The following OXSR1 variants were observed in gnomAD, a reference collection of about 807,000 sequenced individuals.
OXSR1 encodes the protein serine/threonine-protein kinase OSR1.
A neutral mutation model predicts 79.8 loss-of-function variants in OXSR1; 24 were observed. That is an observed-to-expected ratio of 0.30 (90% CI 0.22 to 0.42). The LOEUF (loss-of-function observed/expected upper bound fraction) is 0.42, where lower values mean the gene tolerates loss of function less well. Among genes scored for constraint, OXSR1 ranks in the 10% least tolerant of loss-of-function variants. OXSR1 has a pLI of 1.00. For synonymous variants in OXSR1, 226 were observed against 209.2 expected (o/e 1.08, Z -0.69); for missense variants, 430 against 618.4 (o/e 0.70, Z 3.23).
chr3:38,247,820 A>G (rs1338402895), intron 14 of OXSR1, 88 bp downstream of exon 14: 1 of 770,272 alleles, frequency 1.3e-6, no homozygotes, highest in African/African-American at 1.7e-5. Flanking sequence ...GTAACTGGAT[A>G]GGATTGTATG....
intron 1 of OXSR1, among the ~76,000 whole-genome samples, chr3:38,169,001 T>G (rs1701522632): frequency 6.6e-6 from 1 of 152,252 alleles, no homozygotes; most frequent in Admixed American, 6.5e-5. Context: ...TGCTGGGTTA[T>G]ATCACAAATT....
chr3:38,182,673 G>C (rs199380), intron 1 of OXSR1, among the ~76,000 whole-genome samples: 2 of 152,130 alleles, frequency 1.3e-5, no homozygotes, highest in Admixed American at 1.3e-4. Flanking sequence ...ACCTTTCAGA[G>C]CCCTCTTATG....
intron 14 of OXSR1, 123 bp downstream of exon 14, chr3:38,247,855 C>T: frequency 1.7e-6 from 1 of 599,532 alleles, no homozygotes. Flanking sequence ...GCTCTGTTTG[C>T]TTGGTGGTGT....
Position 38,198,818 on chromosome 3 carries a change from T to G in OXSR1, c.389T>G (p.Val130Gly). 6.2e-7 allele frequency: 1 copy of G among 1,613,638 alleles called. No individual in the cohort carries two copies. The highest frequency in any genetic ancestry group is 8.5e-7 in the Non-Finnish European group (1 of 1,179,666). Residue 130 changes from valine to glycine, a missense_variant, in exon 4 of 18, where the codon GTA (valine) becomes GGA (glycine). Transcript: ENST00000311806. ...ACCATTGCTACGATACTCCGAGAAG[T>G]ACTGGAAGGGCTGGAATATCTGCAT... ...ESTIATILRE[V>G]LEGLEYLHKN...
In OXSR1 at chr3:38,255,061, A is replaced by C. The variant is rs868064704; in HGVS notation, c.*2170A>C. ...TTGTGCAGTGATACTGAGAAAATACATGAACAGAAACTGCCCAGGTGGAAC... is the reference window on the plus strand; with the variant it reads ...TTGTGCAGTGATACTGAGAAAATACCTGAACAGAAACTGCCCAGGTGGAAC... On this transcript the variant is annotated 3_prime_UTR_variant, in exon 18 of 18. Transcript: ENST00000311806. 1 of 152,664 alleles carries C rather than the reference A, an allele frequency of 6.6e-6. No individual in the cohort carries two copies. The highest frequency in any genetic ancestry group is 3.2e-3 in the Middle Eastern group (1 of 316). The allele number at this position is 152,664 out of a possible 1,614,324, so 9.5% of individuals were successfully genotyped here. A position where few individuals can be genotyped will look rare whatever the true frequency, so the allele number is the denominator to read the frequency against.
intron 3 of OXSR1, among the ~76,000 whole-genome samples, chr3:38,196,062 C>T (rs1213963450): frequency 3.3e-5 from 5 of 152,102 alleles, no homozygotes; most frequent in Non-Finnish European, 7.4e-5. Context: ...CTTATAGGGC[C>T]TGGGAATATG....
chr3:38,230,986 A>G (rs555183072), intron 10 of OXSR1, among the ~76,000 whole-genome samples: 12 of 152,290 alleles, frequency 7.9e-5, no homozygotes, highest in African/African-American at 2.9e-4. Context: ...TTCTCTGCTC[A>G]AGCAGACTTA....
rs1353924697 is a variant in OXSR1 at position 38,255,319 on chromosome 3, A to G, written c.*2428A>G. On this transcript the variant is annotated 3_prime_UTR_variant, in exon 18 of 18. Transcript: ENST00000311806. ...TCCTAGAGCCAGCTGATAATATTTA[A>G]TAATCTGGAGGAGAGAATAATGATG... 3 of 152,782 alleles carry G rather than the reference A, an allele frequency of 2.0e-5. No homozygotes were observed. Among genetic ancestry groups the G allele is most frequent in the East Asian group, 3.9e-4 (2 of 5,188 alleles). 9.5% of individuals were successfully genotyped at this position (152,782 alleles called of 1,614,324 possible). A position where few individuals can be genotyped will look rare whatever the true frequency, so the allele number is the denominator to read the frequency against.
chr3:38,226,914 A>G (rs761466931), intron 8 of OXSR1, among the ~76,000 whole-genome samples: 2 of 152,028 alleles, frequency 1.3e-5, no homozygotes, highest in Non-Finnish European at 2.9e-5. Flanking sequence ...ATAGTATTGT[A>G]CCAGTGTTGA....
intron 2 of OXSR1, among the ~76,000 whole-genome samples, chr3:38,186,544 A>G (rs1701889679): frequency 1.3e-5 from 2 of 152,204 alleles, no homozygotes; most frequent in Non-Finnish European, 1.5e-5. Context: ...TGGACATTTC[A>G]TATAAATAGG....
chr3:38,207,544 A>G (rs561420137), intron 4 of OXSR1, among the ~76,000 whole-genome samples: 24 of 152,314 alleles, frequency 1.6e-4, no homozygotes, highest in African/African-American at 5.3e-4. Flanking sequence ...GGTTGTCACA[A>G]CAGGGGCTGG....
At chr3:38,184,904 T>TC (rs1288042663) in intron 2 of OXSR1, among the ~76,000 whole-genome samples, 2 of 2,622 alleles carry the variant, frequency 7.6e-4, no homozygotes, top group East Asian at 0.019. Flanking sequence ...AGAACATTTC[T>TC]TTTTTTTTTT....
intron 1 of OXSR1, among the ~76,000 whole-genome samples, chr3:38,178,964 A>G (rs962618816): frequency 3.3e-5 from 5 of 151,178 alleles, no homozygotes; most frequent in Admixed American, 6.6e-5. Context: ...CCCAGGCTCA[A>G]GTGATCCTCC....
intron 12 of OXSR1, among the ~76,000 whole-genome samples, chr3:38,245,364 A>G (rs1366540749): frequency 6.6e-6 from 1 of 152,212 alleles, no homozygotes; most frequent in Admixed American, 6.5e-5. Context: ...TATTTCAGAC[A>G]TACAAAATAA....
chr3:38,248,147 G>C (rs1186588942), intron 14 of OXSR1, among the ~76,000 whole-genome samples: 9 of 152,008 alleles, frequency 5.9e-5, no homozygotes, highest in Non-Finnish European at 1.0e-4. Context: ...TTTTGATTGT[G>C]GTAGATCAAA....
At chr3:38,241,104 A>T (rs754723589) in intron 11 of OXSR1, among the ~76,000 whole-genome samples, 2 of 152,206 alleles carry the variant, frequency 1.3e-5, no homozygotes, top group Non-Finnish European at 2.9e-5. Flanking sequence ...GGAAAAAAAT[A>T]AGGTTTTTTT....
At position 38,224,687 on chromosome 3, in the gene OXSR1, A is replaced by G; in HGVS notation, c.819A>G (p.Gln273=). The change falls in exon 8 of 18, where the codon CAA becomes CAG. Residue 273 remains glutamine, a synonymous_variant. Coordinates refer to ENST00000311806, the MANE Select transcript of OXSR1 (RefSeq NM_005109.3). The part of the protein sequence containing the change: ...SFRKMISLCL[Q]KDPEKRPTAA... ...GAAAAATGATTTCATTGTGCCTTCAAAAAGATCCAGAAAAAAGGTAAAATA... is the reference window on the plus strand; with the variant it reads ...GAAAAATGATTTCATTGTGCCTTCAGAAAGATCCAGAAAAAAGGTAAAATA... 2 of 1,569,712 alleles carry G rather than the reference A, an allele frequency of 1.3e-6. No homozygotes were observed. The highest frequency in any genetic ancestry group is 2.4e-5 in the South Asian group (2 of 84,366).
intron 1 of OXSR1, among the ~76,000 whole-genome samples, chr3:38,169,476 T>G (rs1701533893): frequency 6.6e-6 from 1 of 152,090 alleles, no homozygotes; most frequent in African/African-American, 2.4e-5. Context: ...CAGCTAATTT[T>G]TGTGTTTTTA....
At chr3:38,203,876 A>G (rs1001863279) in intron 4 of OXSR1, among the ~76,000 whole-genome samples, 11 of 152,134 alleles carry the variant, frequency 7.2e-5, no homozygotes, top group African/African-American at 2.4e-4. Flanking sequence ...GGGCTCTGCA[A>G]TCAGCAGATG....
Sources: allele counts gnomAD v4.1 joint callset (sites outside exome capture counted in the v4.1 genomes callset), GRCh38; gene constraint gnomAD v4.1.1; transcripts MANE v1.5; gene names NCBI Gene and HGNC (gene_info 2026-07-23, HGNC 2026-07-21).